The following AGBL1 variants were observed in gnomAD, a reference collection of about 807,000 sequenced individuals.
AGBL1 encodes the protein cytosolic carboxypeptidase 4.
AGBL1 carries 130 observed loss-of-function variants against 118.9 expected under a neutral mutation model. That is an observed-to-expected ratio of 1.09 (90% CI 0.95 to 1.26). AGBL1 has a LOEUF of 1.26. Ranked by LOEUF, AGBL1 falls within the 50% of genes most tolerant of loss-of-function variation. The pLI, the probability that AGBL1 is intolerant of heterozygous loss-of-function variation, is 0.00. For synonymous variants in AGBL1, 555 were observed against 478.9 expected, an observed-to-expected ratio of 1.16 and a Z score of -2.08; for missense variants, 1,584 against 1,298.1, an observed-to-expected ratio of 1.22 and a Z score of -3.38.
intron 24 of AGBL1, among the ~76,000 whole-genome samples, chr15:86,990,551 T>C (rs2081328403): frequency 6.6e-6 from 1 of 152,054 alleles, no homozygotes; most frequent in Non-Finnish European, 1.5e-5. Flanking sequence ...TCTGGACACA[T>C]GGGGAATATC....
intron 22 of AGBL1, among the ~76,000 whole-genome samples, chr15:86,886,904 G>A (rs2079978562): frequency 6.6e-6 from 1 of 152,102 alleles, no homozygotes; most frequent in Non-Finnish European, 1.5e-5. Context: ...ACGAGGTTTT[G>A]GAAGCTCCTT....
chr15:86,079,891 G>C lies in AGBL1; in HGVS notation c.-82G>C. The C allele has an allele frequency of 9.4e-7, 1 of 1,061,610 alleles. No homozygotes were observed. The highest frequency in any genetic ancestry group is 1.2e-6 in the Non-Finnish European group (1 of 830,720). 65.8% of individuals were successfully genotyped at this position (1,061,610 alleles called of 1,614,324 possible). On this transcript the variant is annotated 5_prime_UTR_variant, in exon 1 of 23. Transcript: ENST00000614907. ...CGGGCAGTCGTCTCCTGCGAGGCGG[G>C]CAGCGAGGTCAGCTTGGCAGCCGCT...
At chr15:86,508,824 A>G (rs1368986424) in intron 18 of AGBL1, among the ~76,000 whole-genome samples, 1 of 152,194 alleles carries the variant, frequency 6.6e-6, no homozygotes, top group South Asian at 2.1e-4. Context: ...AATTCAGAAC[A>G]GTATTGATGG....
intron 18 of AGBL1, among the ~76,000 whole-genome samples, chr15:86,461,336 C>T (rs1035660221): frequency 6.6e-6 from 1 of 152,106 alleles, no homozygotes; most frequent in African/African-American, 2.4e-5. Context: ...AAGGAATCAG[C>T]CAAAGTAGCA....
intron 22 of AGBL1, among the ~76,000 whole-genome samples, chr15:86,709,587 A>G (rs904259427): frequency 5.3e-5 from 8 of 152,162 alleles, no homozygotes; most frequent in Non-Finnish European, 2.9e-5. Flanking sequence ...GAAATACATA[A>G]TGATATCGCT....
At chr15:86,390,617 T>C (rs943651911) in intron 17 of AGBL1, among the ~76,000 whole-genome samples, 1 of 150,900 alleles carries the variant, frequency 6.6e-6, no homozygotes, top group African/African-American at 2.4e-5. Flanking sequence ...AAAAGTATTA[T>C]GCTAAGTTAA....
At chr15:86,399,322 C>G (rs1219781686) in intron 18 of AGBL1, among the ~76,000 whole-genome samples, 20 of 152,162 alleles carry the variant, frequency 1.3e-4, no homozygotes, top group Admixed American at 1.3e-3. Context: ...TACTAGCAAA[C>G]TTTCTCAGCC....
At chr15:86,150,854 G>A (rs1274376084) in intron 3 of AGBL1, among the ~76,000 whole-genome samples, 1 of 152,098 alleles carries the variant, frequency 6.6e-6, no homozygotes, top group Non-Finnish European at 1.5e-5. Context: ...GAACATTGAT[G>A]CAAAAATCCT....
intron 17 of AGBL1, among the ~76,000 whole-genome samples, chr15:86,385,361 A>T (rs1468346186): frequency 6.6e-6 from 1 of 152,178 alleles, no homozygotes; most frequent in East Asian, 1.9e-4. Flanking sequence ...TTTGCTCCTT[A>T]AAAGTCTGAT....
At chr15:86,537,647 G>A (rs756908879) in intron 19 of AGBL1, among the ~76,000 whole-genome samples, 4 of 152,174 alleles carry the variant, frequency 2.6e-5, no homozygotes, top group Admixed American at 6.5e-5. Context: ...TTCATCACTC[G>A]TCCATCAAAT....
chr15:86,144,874 C>T lies in AGBL1; in HGVS notation c.262+1029C>T, dbSNP rs575006971. On this transcript the variant is annotated intron_variant, in intron 3 of 22. Coordinates refer to ENST00000614907, the MANE Select transcript of AGBL1 (RefSeq NM_001386094.1). The stretch of plus-strand genomic sequence containing the variant: ...GTCCTAGTTTCCTAGAGCTGCCATA[C>T]GAATTGCCACAAACTGTTTAGCTTA... Among the ~76,000 whole-genome samples, 50 of 152,240 alleles carry T rather than the reference C, an allele frequency of 3.3e-4. No individual in the cohort carries two copies. The South Asian group carries it at 3.3e-3, about 10-fold the overall frequency.
At chr15:86,947,277 A>T (rs979046646) in intron 23 of AGBL1, among the ~76,000 whole-genome samples, 2 of 152,204 alleles carry the variant, frequency 1.3e-5, no homozygotes, top group Non-Finnish European at 2.9e-5. Flanking sequence ...GAATTGAGGG[A>T]CAGTTACTCA....
chr15:86,197,228 T>A (rs2077828133), intron 5 of AGBL1, among the ~76,000 whole-genome samples: 1 of 152,144 alleles, frequency 6.6e-6, no homozygotes, highest in Non-Finnish European at 1.5e-5. Flanking sequence ...CCTAGGTTGC[T>A]GTGAAGGGAC....
Position 86,979,562 on chromosome 15 carries a change from C to CACG in AGBL1, c.3222-8423_3222-8422insGAC, listed in dbSNP as rs2081208737. Among the ~76,000 whole-genome samples the CACG allele has an allele frequency of 4.6e-5, 7 of 152,126 alleles. No homozygotes were observed. The East Asian group carries it at 1.4e-3, about 30-fold the overall frequency. On this transcript the variant is annotated intron_variant, in intron 23 of 24. Coordinates refer to the AGBL1 transcript ENST00000441037. ...GGAGTGCAGTGGCGCGATCTCGGCTCACTGCAAGCTCCGCCTCCCGGGTTC... is the reference window on the plus strand; with the variant it reads ...GGAGTGCAGTGGCGCGATCTCGGCTCACGACTGCAAGCTCCGCCTCCCGGGTTC...
chr15:86,134,604 C>CTTTT (rs141645590), intron 1 of AGBL1, among the ~76,000 whole-genome samples: 4 of 84,614 alleles, frequency 4.7e-5, no homozygotes, highest in Non-Finnish European at 9.5e-5. Flanking sequence ...TCAATGGTGC[C>CTTTT]TTTTTTTTTT....
intron 7 of AGBL1, among the ~76,000 whole-genome samples, chr15:86,250,468 A>G (rs28670931): frequency 0.052 from 7,013 of 134,786 alleles, 576 homozygotes; most frequent in African/African-American, 0.17. Context: ...GGAGGTTGCG[A>G]TGAGTTGAGA....
At chr15:86,336,022 T>C (rs1398965145) in intron 17 of AGBL1, among the ~76,000 whole-genome samples, 4 of 152,188 alleles carry the variant, frequency 2.6e-5, no homozygotes, top group Non-Finnish European at 5.9e-5. Context: ...ATTGTGAAGG[T>C]GTTAGACACA....
At chr15:86,250,402 C>T (rs545678548) in intron 7 of AGBL1, among the ~76,000 whole-genome samples, 1 of 151,010 alleles carries the variant, frequency 6.6e-6, no homozygotes, top group East Asian at 2.0e-4. Flanking sequence ...AGCATGTGTC[C>T]GTAATCCCAG....
chr15:86,203,231 T>A (rs930890611), intron 5 of AGBL1, among the ~76,000 whole-genome samples: 1 of 152,020 alleles, frequency 6.6e-6, no homozygotes, highest in Non-Finnish European at 1.5e-5. Flanking sequence ...ATGGTACAGA[T>A]TCGTTTTTGA....
Sources: gnomAD v4.1 joint callset for allele counts (sites outside exome capture counted in the v4.1 genomes callset) on GRCh38, gnomAD v4.1.1 for gene constraint, MANE v1.5 for transcripts, NCBI Gene and HGNC (gene_info 2026-07-23, HGNC 2026-07-21) for gene names.